Variants in MATCAP2 observed in about 807,000 individuals in gnomAD.
MATCAP2 encodes putative tyrosine carboxypeptidase MATCAP2.
At chr7:36,372,346 A>C in the MATCAP2 span, among the ~76,000 whole-genome samples, 1 of 152,230 alleles carries the variant, frequency 6.6e-6, no homozygotes, top group South Asian at 2.1e-4. Context: ...AAATCTAGGA[A>C]ATAGTTGGTA....
the MATCAP2 span, among the ~76,000 whole-genome samples, chr7:36,332,870 T>A: frequency 1.1e-4 from 17 of 152,224 alleles, no homozygotes; most frequent in African/African-American, 4.1e-4. Context: ...GAGGTTGCGG[T>A]GAGCTGAGAT....
At chr7:36,343,719 A>AGT in the MATCAP2 span, among the ~76,000 whole-genome samples, 1 of 151,668 alleles carries the variant, frequency 6.6e-6, no homozygotes. Flanking sequence ...AAGGAAAGAA[A>AGT]ATAAAATGTT....
chr7:36,380,760 C>T, the MATCAP2 span, among the ~76,000 whole-genome samples: 18 of 152,316 alleles, frequency 1.2e-4, no homozygotes, highest in Middle Eastern at 3.4e-3. Flanking sequence ...GACAAAGTCT[C>T]GCTCTGTAGC....
At chr7:36,384,839 G>T in the MATCAP2 span, among the ~76,000 whole-genome samples, 1 of 151,806 alleles carries the variant, frequency 6.6e-6, no homozygotes, top group Non-Finnish European at 1.5e-5. Flanking sequence ...CAGAAAAAAG[G>T]CCTGAAGCTG....
the MATCAP2 span, among the ~76,000 whole-genome samples, chr7:36,332,698 C>T: frequency 2.0e-5 from 3 of 152,166 alleles, no homozygotes; most frequent in Admixed American, 6.5e-5. Flanking sequence ...GAGGCCGAGG[C>T]GGTTGGATCA....
the MATCAP2 span, among the ~76,000 whole-genome samples, chr7:36,377,013 C>T: frequency 6.0e-3 from 910 of 152,130 alleles, 9 homozygotes; most frequent in African/African-American, 0.021. Flanking sequence ...TGAGATGGGT[C>T]TCCTGAATAC....
At chr7:36,368,520 C>A in the MATCAP2 span, among the ~76,000 whole-genome samples, 1 of 152,320 alleles carries the variant, frequency 6.6e-6, no homozygotes, top group African/African-American at 2.4e-5. Flanking sequence ...CTTGCTACCA[C>A]TCTGGTTCAA....
the MATCAP2 span, among the ~76,000 whole-genome samples, chr7:36,334,613 A>G: frequency 7.9e-5 from 12 of 152,078 alleles, no homozygotes; most frequent in Non-Finnish European, 1.8e-4. Context: ...CAAAGTAGAA[A>G]ATGACCTGAT....
the MATCAP2 span, among the ~76,000 whole-genome samples, chr7:36,360,478 T>C: frequency 1.3e-5 from 2 of 152,194 alleles, no homozygotes; most frequent in Non-Finnish European, 2.9e-5. Flanking sequence ...TGAAGCTCCA[T>C]CTGCTGCTGA....
the MATCAP2 span, among the ~76,000 whole-genome samples, chr7:36,385,740 C>T: frequency 1.1e-4 from 16 of 150,874 alleles, no homozygotes; most frequent in East Asian, 3.9e-4. Flanking sequence ...GAGCTGTGAT[C>T]GTGCCACTGC....
chr7:36,331,277 T>G, the MATCAP2 span, among the ~76,000 whole-genome samples: 1 of 152,216 alleles, frequency 6.6e-6, no homozygotes, highest in Non-Finnish European at 1.5e-5. Context: ...GTATGCAGAC[T>G]AGACCCTTAA....
chr7:36,357,440 A>G, the MATCAP2 span: 1 of 1,614,018 alleles, frequency 6.2e-7, no homozygotes, highest in African/African-American at 1.3e-5. Context: ...CTGTAGTAGG[A>G]CATTGTAACT....
the MATCAP2 span, among the ~76,000 whole-genome samples, chr7:36,387,343 A>AT: frequency 2.0e-5 from 3 of 152,106 alleles, no homozygotes; most frequent in Admixed American, 1.3e-4. Flanking sequence ...GATGTTTTGT[A>AT]TTTTTTTAAG....
the MATCAP2 span, among the ~76,000 whole-genome samples, chr7:36,375,887 C>T: frequency 1.3e-5 from 2 of 152,280 alleles, no homozygotes; most frequent in East Asian, 3.9e-4. Flanking sequence ...GAGATGTTTA[C>T]AGTATTCTCT....
chr7:36,388,313 A>C, the MATCAP2 span, among the ~76,000 whole-genome samples: 2 of 151,702 alleles, frequency 1.3e-5, no homozygotes, highest in South Asian at 2.1e-4. Flanking sequence ...AAAAAAAAAA[A>C]CCCATGGGTT....
chr7:36,388,677 T>TA, the MATCAP2 span, among the ~76,000 whole-genome samples: 2 of 152,224 alleles, frequency 1.3e-5, no homozygotes, highest in Non-Finnish European at 2.9e-5. Context: ...CTACAAAGAA[T>TA]AAGCAGGAGA....
the MATCAP2 span, among the ~76,000 whole-genome samples, chr7:36,354,458 T>C: frequency 4.6e-5 from 7 of 152,234 alleles, no homozygotes; most frequent in South Asian, 4.1e-4. Context: ...AAGATTCAGA[T>C]TGTGAAACTC....
the MATCAP2 span, among the ~76,000 whole-genome samples, chr7:36,360,503 T>C: frequency 2.0e-5 from 3 of 152,074 alleles, no homozygotes; most frequent in Non-Finnish European, 4.4e-5. Flanking sequence ...AGTTTGGGAG[T>C]GTTAATGGTC....
the MATCAP2 span, chr7:36,389,924 G>T: frequency 6.2e-7 from 1 of 1,606,862 alleles, no homozygotes. Context: ...CCCCGCCTCA[G>T]ACTCCTGGTT....
Sources: gnomAD v4.1 joint callset for allele counts (sites outside exome capture counted in the v4.1 genomes callset) on GRCh38, gnomAD v4.1.1 for gene constraint, MANE v1.5 for transcripts, NCBI Gene and HGNC (gene_info 2026-07-23, HGNC 2026-07-21) for gene names.